Variants in RNF157 observed in about 807,000 individuals in gnomAD.
RNF157 encodes ring finger protein 157.
Under a neutral mutation model 88.3 loss-of-function variants are expected in RNF157, and 55 were observed. The observed-to-expected ratio is 0.62, with a 90% confidence interval of 0.50 to 0.78. The LOEUF (loss-of-function observed/expected upper bound fraction) is 0.78, where lower values mean the gene tolerates loss of function less well. Ranked by LOEUF, RNF157 falls within the 30% of genes least tolerant of loss-of-function variation. The pLI, the probability that RNF157 is intolerant of heterozygous loss-of-function variation, is 0.00. For missense variants in RNF157, 788 were observed against 860.8 expected, an observed-to-expected ratio of 0.92 and a Z score of 1.06; for synonymous variants, 334 against 341.2, an observed-to-expected ratio of 0.98 and a Z score of 0.23.
At chr17:76,209,887 G>C (rs1355474414) in intron 2 of RNF157, among the ~76,000 whole-genome samples, 4 of 152,176 alleles carry the variant, frequency 2.6e-5, no homozygotes, top group Admixed American at 2.0e-4. Flanking sequence ...AGCCTCCTGA[G>C]TAGCTGGGAC....
In RNF157 at chr17:76,155,334, T is replaced by A; in HGVS notation, c.1699-17A>T. ...TGGCAGCCCCTGCAGAAGAGCACAG[T>A]TTTTACAGGCTCTTCCATAAAGGTC... is the stretch of plus-strand genomic sequence containing the variant. On this transcript the variant is annotated splice_polypyrimidine_tract_variant and intron_variant, in intron 15 of 18. Coordinates refer to ENST00000269391, the MANE Select transcript of RNF157 (RefSeq NM_052916.3). 1 of 1,612,392 alleles carries A rather than the reference T, an allele frequency of 6.2e-7. No individual in the cohort carries two copies. Among genetic ancestry groups the A allele is most frequent in the Non-Finnish European group, 8.5e-7 (1 of 1,178,526 alleles).
At position 76,210,898 on chromosome 17, in the gene RNF157, G is replaced by A. The variant is rs144558754; in HGVS notation, c.207+1466C>T. Among the ~76,000 whole-genome samples the A allele has an allele frequency of 7.8e-4, 118 of 152,152 alleles. 1 individual carries two copies. Among genetic ancestry groups the A allele is most frequent in the African/African-American group, 1.7e-3 (69 of 41,518 alleles). The stretch of plus-strand genomic sequence containing the variant: ...CAGCTCACTGCAACCTCCACTTCCC[G>A]GGTTCAAGCGATTCTCCTGCTTCAG... On this transcript the variant is annotated intron_variant, in intron 2 of 18. Transcript: ENST00000269391.
At chr17:76,177,186 G>C (rs2069117959) in intron 2 of RNF157, among the ~76,000 whole-genome samples, 1 of 152,138 alleles carries the variant, frequency 6.6e-6, no homozygotes, top group Non-Finnish European at 1.5e-5. Context: ...AGGCTGCAAG[G>C]GGGTGCTGCA....
At chr17:76,173,653 T>A in intron 3 of RNF157, 49 bp downstream of exon 3, 1 of 1,419,720 alleles carries the variant, frequency 7.0e-7, no homozygotes, top group Non-Finnish European at 9.8e-7. Context: ...GCCCCCAGCC[T>A]CCCCAAAGGA....
In RNF157 at chr17:76,159,454, T is replaced by TGAGAGGTGGCCATCTCCAAGCAC. The variant is rs745995786; in HGVS notation, c.1162_1184dup (p.Gly396CysfsTer88). ...CACTGCCATATGAAGGGAGCATTCC[T>TGAGAGGTGGCCATCTCCAAGCAC]GAGAGGTGGCCATCTCCAAGCACGT... is the stretch of plus-strand genomic sequence containing the variant. On this transcript the variant is annotated frameshift_variant, in exon 12 of 19. Coordinates refer to ENST00000269391, the MANE Select transcript of RNF157 (RefSeq NM_052916.3). LOFTEE classifies it high-confidence loss of function. 1 of 1,612,208 alleles carries TGAGAGGTGGCCATCTCCAAGCAC rather than the reference T, an allele frequency of 6.2e-7. No homozygotes were observed. The highest frequency in any genetic ancestry group is 1.1e-5 in the South Asian group (1 of 90,440).
chr17:76,152,294 C>A, intron 18 of RNF157, 61 bp downstream of exon 18: 1 of 1,074,106 alleles, frequency 9.3e-7, no homozygotes, highest in Non-Finnish European at 1.5e-6. Context: ...AGGGTGAGAG[C>A]AGGGGTAAGA....
At chr17:76,166,802 T>A (rs1372324232) in intron 5 of RNF157, among the ~76,000 whole-genome samples, 1 of 152,140 alleles carries the variant, frequency 6.6e-6, no homozygotes, top group Non-Finnish European at 1.5e-5. Flanking sequence ...CTATTTCCAT[T>A]CCTAGGGAAT....
At chr17:76,234,659 A>G (rs1332376485) in intron 1 of RNF157, among the ~76,000 whole-genome samples, 1 of 152,176 alleles carries the variant, frequency 6.6e-6, no homozygotes, top group Middle Eastern at 3.2e-3. Flanking sequence ...TCCACTGTAT[A>G]TCTTTTTTGG....
intron 2 of RNF157, 52 bp from the exon 3 acceptor site, chr17:76,173,842 C>T (rs1186440489): frequency 6.9e-7 from 1 of 1,449,458 alleles, no homozygotes; most frequent in East Asian, 2.4e-5. Flanking sequence ...AGACCCACAG[C>T]TGTCCCTCGC....
intron 18 of RNF157, among the ~76,000 whole-genome samples, chr17:76,152,005 G>A (rs564959298): frequency 6.6e-6 from 1 of 152,282 alleles, no homozygotes; most frequent in Non-Finnish European, 1.5e-5. Context: ...TAGAGAGGTG[G>A]TGTCTGTCTG....
At chr17:76,150,225 G>A (rs1184495458) in intron 18 of RNF157, among the ~76,000 whole-genome samples, 1 of 151,854 alleles carries the variant, frequency 6.6e-6, no homozygotes, top group Non-Finnish European at 1.5e-5. Flanking sequence ...CACTTAACAT[G>A]CCTATACCTG....
At position 76,157,114 on chromosome 17, in the gene RNF157, A is replaced by ACC. The variant is rs1568026197; in HGVS notation, c.1414-794_1414-793insGG. On this transcript the variant is annotated intron_variant, in intron 13 of 18. Coordinates refer to ENST00000269391, the MANE Select transcript of RNF157 (RefSeq NM_052916.3). The surrounding 1 kb of genome is among the most constrained non-coding windows in gnomAD (Gnocchi z 5.6). ...CCCGAGTAGCTGGGACTACAGGTGCATGCCACCACACCTGGCTAATTTTTT... is the reference window on the plus strand; with the variant it reads ...CCCGAGTAGCTGGGACTACAGGTGCACCTGCCACCACACCTGGCTAATTTTTT... Among the ~76,000 whole-genome samples the ACC allele has an allele frequency of 2.8e-3, 425 of 152,086 alleles. 4 individuals are homozygous for ACC. Among genetic ancestry groups the ACC allele is most frequent in the African/African-American group, 9.7e-3 (403 of 41,482 alleles).
chr17:76,225,856 G>A lies in RNF157; in HGVS notation c.89-13374C>T, dbSNP rs181592694. The A allele has an allele frequency of 5.0e-5, 80 of 1,612,768 alleles. No individual in the cohort carries two copies. The East Asian group carries it at 5.1e-4, about 10-fold the overall frequency. On this transcript the variant is annotated intron_variant, in intron 1 of 18. Coordinates refer to ENST00000269391, the MANE Select transcript of RNF157 (RefSeq NM_052916.3). ...AATCTGCCCTCTCTTTTAGAGCCTC[G>A]TTCTTCTTTTCCAGCTCTTTGCACT...
At chr17:76,211,379 G>A (rs74553430) in intron 2 of RNF157, among the ~76,000 whole-genome samples, 8,263 of 152,258 alleles carry the variant, frequency 0.054, 756 homozygotes, top group African/African-American at 0.19. Flanking sequence ...CCTTGCCATT[G>A]TCTTCTCCCA....
At chr17:76,192,056 A>G (rs1174142821) in intron 2 of RNF157, among the ~76,000 whole-genome samples, 1 of 152,244 alleles carries the variant, frequency 6.6e-6, no homozygotes, top group South Asian at 2.1e-4. Context: ...ATGCAAAACC[A>G]GTAAGTATAG....
chr17:76,212,235 T>C, intron 2 of RNF157, 129 bp downstream of exon 2: 1 of 675,954 alleles, frequency 1.5e-6, no homozygotes, highest in East Asian at 2.6e-5. Context: ...CAGTTTGTCT[T>C]CTAGTGCATC....
intron 1 of RNF157, among the ~76,000 whole-genome samples, chr17:76,214,230 A>T (rs2069850760): frequency 6.6e-6 from 1 of 152,124 alleles, no homozygotes; most frequent in Non-Finnish European, 1.5e-5. Context: ...ATTGGAGGAC[A>T]CCCAGCTGGT....
At chr17:76,226,422 C>T in intron 1 of RNF157, 1 of 1,597,324 alleles carries the variant, frequency 6.3e-7, no homozygotes, top group South Asian at 1.1e-5. Context: ...TTATTAGTCT[C>T]CTGGACTAGG....
intron 18 of RNF157, among the ~76,000 whole-genome samples, chr17:76,149,229 C>T (rs969827509): frequency 3.3e-5 from 5 of 152,138 alleles, no homozygotes; most frequent in African/African-American, 1.2e-4. Context: ...GGACGGGAAC[C>T]AACAAGGTTC....
Sources: gnomAD v4.1 joint callset for allele counts (sites outside exome capture counted in the v4.1 genomes callset) on GRCh38, gnomAD v4.1.1 for gene constraint, Gnocchi (gnomAD v3.1) non-coding constraint, MANE v1.5 for transcripts, NCBI Gene and HGNC (gene_info 2026-07-23, HGNC 2026-07-21) for gene names.